Variants in UBR4 observed in about 807,000 individuals in gnomAD.
UBR4 encodes ubiquitin protein ligase E3 component n-recognin 4.
UBR4 carries 124 observed loss-of-function variants against 575.6 expected under a neutral mutation model. The observed-to-expected ratio is 0.22, with a 90% confidence interval of 0.19 to 0.25. The LOEUF is 0.25. Ranked by LOEUF, UBR4 falls within the 10% of genes least tolerant of loss-of-function variation. UBR4 has a pLI of 1.00. For synonymous variants in UBR4, 2,455 were observed against 2,473.7 expected (o/e 0.99, Z 0.22); for missense variants, 4,818 against 6,478.8 (o/e 0.74, Z 8.80).
rs1176230981 is a variant in UBR4, at chr1:19,115,485, T to C, written c.10976A>G (p.Gln3659Arg). The C allele has an allele frequency of 1.2e-6, 2 of 1,614,244 alleles. No individual in the cohort carries two copies. The highest frequency in any genetic ancestry group is 1.1e-5 in the South Asian group (1 of 91,086). Residue 3659 changes from glutamine (Q) to arginine (R), a missense_variant, in exon 74 of 106, where the codon CAG becomes CGG. Gln to Arg is a conservative substitution (Grantham distance 43). Around this residue, in one of 29 missense-constraint regions of UBR4, gnomAD observed 550 missense variants for 791.5 expected, o/e 0.69. Transcript: ENST00000375254. Reference protein sequence around the residue: ...ENYQASTETLQCPRCSASVPA... With the variant: ...ENYQASTETLRCPRCSASVPA... ...GACCGAGGCACTACAGCGAGGGCAC[T>C]GCAGGGTCTCTGTGGAGGCCTGGTA...
chr1:19,081,382 T>C lies in UBR4; in HGVS notation c.15200A>G (p.Gln5067Arg). Residue 5067 changes from glutamine (Q) to arginine (R), a missense_variant, in exon 103 of 106, where the codon CAG becomes CGG. Gln to Arg is a conservative substitution (Grantham distance 43). Coordinates refer to ENST00000375254, the MANE Select transcript of UBR4 (RefSeq NM_020765.3). The stretch of plus-strand genomic sequence containing the variant: ...TCCACCTGGAGCCACTGCCCGAGCC[T>C]GCGAGGTCACCAACAGCCTCCGCAA... Reference protein sequence around the residue: ...EILRRLLVTSQARAVAPGGAT... With the variant: ...EILRRLLVTSRARAVAPGGAT... The C allele has an allele frequency of 6.2e-7, 1 of 1,611,258 alleles. No homozygotes were observed. The highest frequency in any genetic ancestry group is 1.1e-5 in the South Asian group (1 of 90,898).
intron 57 of UBR4, 67 bp downstream of exon 57, chr1:19,141,266 CAGCTGGATATCAGT>C (rs1307898778): frequency 1.3e-6 from 2 of 1,593,384 alleles, no homozygotes; most frequent in African/African-American, 2.7e-5. Context: ...CAAACTAAGT[CAGCTGGATATCAGT>C]AACTGCCAAA....
At chr1:19,132,058 G>A (rs1435598715) in intron 60 of UBR4, among the ~76,000 whole-genome samples, 2 of 152,096 alleles carry the variant, frequency 1.3e-5, no homozygotes, top group African/African-American at 4.8e-5. Flanking sequence ...AAAATAATTT[G>A]AATTGAATAG....
chr1:19,159,831 C>T (rs927499707), intron 39 of UBR4, among the ~76,000 whole-genome samples: 12 of 151,852 alleles, frequency 7.9e-5, no homozygotes, highest in African/African-American at 2.7e-4. Context: ...TCTTAAATTC[C>T]CAGGCTCAAG....
Position 19,093,609 on chromosome 1 carries a change from C to G in UBR4, c.13938-123G>C, listed in dbSNP as rs1429264212. On this transcript the variant is annotated intron_variant, in intron 95 of 105. Transcript: ENST00000375254. The surrounding 1 kb of genome is among the most constrained non-coding windows in gnomAD (Gnocchi z 4.8). Reference sequence around the variant, plus strand: ...CAAGGCTAAATTCCCTAACGTGACACAAAGACCTATCTGCCCCGGCTCCTG... The same window carrying G: ...CAAGGCTAAATTCCCTAACGTGACAGAAAGACCTATCTGCCCCGGCTCCTG... The G allele has an allele frequency of 9.1e-6, 10 of 1,095,830 alleles. No individual in the cohort carries two copies. Among genetic ancestry groups the G allele is most frequent in the African/African-American group, 1.6e-5 (1 of 63,272 alleles). 67.9% of individuals were successfully genotyped at this position (1,095,830 alleles called of 1,614,324 possible). A position where few individuals can be genotyped will look rare whatever the true frequency, so the allele number is the denominator to read the frequency against.
Position 19,210,242 on chromosome 1 carries a change from T to C in UBR4, c.7A>G (p.Thr3Ala). 7.0e-7 allele frequency: 1 copy of C among 1,435,768 alleles called. No individual in the cohort carries two copies. Among genetic ancestry groups the C allele is most frequent in the East Asian group, 2.8e-5 (1 of 35,392 alleles). 88.9% of individuals were successfully genotyped at this position (1,435,768 alleles called of 1,614,324 possible). The stretch of plus-strand genomic sequence containing the variant: ...GCCGCCGCCTCTTCGCCGCCGCTCG[T>C]CGCCATCTTCCGTCGTACTACTGCG... MA[T>A]SGGEEAAAAA... is the part of the protein sequence containing the mutation. The change falls in exon 1 of 106, where the codon ACG becomes GCG. Residue 3 changes from threonine to alanine, a missense_variant. This residue lies in a region of UBR4 where 95 missense variants were observed against 87.7 expected (regional missense o/e 1.08). Coordinates refer to ENST00000375254, the MANE Select transcript of UBR4 (RefSeq NM_020765.3).
intron 50 of UBR4, 116 bp from the exon 51 acceptor site, chr1:19,148,243 A>G: frequency 7.5e-7 from 1 of 1,326,394 alleles, no homozygotes. Context: ...GTTATGCTCC[A>G]TGGACTGCAA....
intron 39 of UBR4, among the ~76,000 whole-genome samples, chr1:19,159,143 C>A (rs1488694981): frequency 6.6e-6 from 1 of 152,162 alleles, no homozygotes; most frequent in African/African-American, 2.4e-5. Flanking sequence ...AAGACTCCAT[C>A]TCCAAAAAAG....
At chr1:19,143,855 A>G (rs934644736) in intron 55 of UBR4, 125 bp downstream of exon 55, 3 of 748,852 alleles carry the variant, frequency 4.0e-6, no homozygotes, top group Admixed American at 2.6e-5. Context: ...GGATTAGAAA[A>G]AAGACAGATA....
chr1:19,113,365 A>G (rs1368281517), intron 77 of UBR4: 3 of 332,014 alleles, frequency 9.0e-6, no homozygotes, highest in Non-Finnish European at 1.7e-5. Context: ...TTATCAGAAG[A>G]GGGAACAGAA....
At chr1:19,169,255 C>T (rs948024540) in intron 27 of UBR4, among the ~76,000 whole-genome samples, 180 bp downstream of exon 27, 1 of 152,104 alleles carries the variant, frequency 6.6e-6, no homozygotes, top group African/African-American at 2.4e-5. Flanking sequence ...AAGCAAAAAG[C>T]CATATGAGAA....
chr1:19,179,130 G>C lies in UBR4; in HGVS notation c.2275C>G (p.Arg759Gly). ...IHPQSLSVLSRLLLIWQHKAS... is the reference protein window; with the variant it reads ...IHPQSLSVLSGLLLIWQHKAS... The stretch of plus-strand genomic sequence containing the variant: ...TTATGTTGCCAGATGAGCAGGAGGC[G>C]TGAAAGCACAGAGAGGCTTTGAGGG... The change falls in exon 18 of 106, where the codon CGC (arginine) becomes GGC (glycine). Residue 759 changes from arginine (R) to glycine (G), a missense_variant. Physicochemically the swap from Arg to Gly is moderately radical, Grantham distance 125. Transcript: ENST00000375254. 1.2e-6 allele frequency: 2 copies of C among 1,613,864 alleles called. No homozygotes were observed. The highest frequency in any genetic ancestry group is 1.7e-6 in the Non-Finnish European group (2 of 1,179,954).
intron 11 of UBR4, among the ~76,000 whole-genome samples, chr1:19,189,796 G>C (rs2091896891): frequency 6.6e-6 from 1 of 152,152 alleles, no homozygotes; most frequent in Non-Finnish European, 1.5e-5. Context: ...ACAATGCCAA[G>C]AATGAAAATG....
intron 1 of UBR4, among the ~76,000 whole-genome samples, chr1:19,204,029 C>T (rs1039551928): frequency 2.0e-5 from 3 of 152,174 alleles, no homozygotes; most frequent in East Asian, 1.9e-4. Context: ...GACAGAGTCT[C>T]GCTCTGTCGC....
At chr1:19,174,291 A>C in intron 22 of UBR4, 28 bp downstream of exon 22, 1 of 1,589,076 alleles carries the variant, frequency 6.3e-7, no homozygotes, top group Non-Finnish European at 8.5e-7. Context: ...ACACAACCCA[A>C]AGACTTCTCA....
chr1:19,167,267 C>T (rs1268939202), intron 28 of UBR4, 36 bp from the exon 29 acceptor site: 1 of 1,608,128 alleles, frequency 6.2e-7, no homozygotes, highest in East Asian at 2.2e-5. Flanking sequence ...TTAGTGAATA[C>T]ACTCCTCCAA....
chr1:19,086,950 G>T, intron 99 of UBR4, 129 bp from the exon 100 acceptor site: 2 of 1,301,892 alleles, frequency 1.5e-6, no homozygotes, highest in Non-Finnish European at 2.1e-6. Context: ...CACTAGGGAA[G>T]TTCAGAAGAG....
rs759873916 is a variant in UBR4, at chr1:19,150,676, G to A, written c.7331C>T (p.Ser2444Phe). ...ATTTGAAGGGCAGATGTTGCTGACA[G>A]AGGCAGAAGGGAATTCTTCTGGGGG... is the stretch of plus-strand genomic sequence containing the variant. The part of the protein sequence containing the change: ...DEPPEEFPSA[S>F]VSNICPSNLN... The change falls in exon 49 of 106, where the codon TCT becomes TTT. Residue 2444 changes from serine to phenylalanine, a missense_variant. Coordinates refer to ENST00000375254, the MANE Select transcript of UBR4 (RefSeq NM_020765.3). The A allele has an allele frequency of 6.2e-7, 1 of 1,614,142 alleles. No homozygotes were observed. Among genetic ancestry groups the A allele is most frequent in the Non-Finnish European group, 8.5e-7 (1 of 1,180,024 alleles).
chr1:19,170,633 T>C (rs2089373207), intron 26 of UBR4, 129 bp downstream of exon 26: 1 of 1,284,386 alleles, frequency 7.8e-7, no homozygotes, highest in African/African-American at 1.5e-5. Context: ...CAAACCTACC[T>C]AAATGCTTGA....
Sources: allele counts gnomAD v4.1 joint callset (sites outside exome capture counted in the v4.1 genomes callset), GRCh38; gene constraint gnomAD v4.1.1; regional missense constraint gnomAD v4.1.1; non-coding constraint Gnocchi (gnomAD v3.1); transcripts MANE v1.5; gene names NCBI Gene and HGNC (gene_info 2026-07-23, HGNC 2026-07-21).